TMPRSS13: variants seen among roughly 807,000 people sequenced by gnomAD.
TMPRSS13 encodes the protein transmembrane protease serine 13.
Under a neutral mutation model 68.4 loss-of-function variants are expected in TMPRSS13, and 50 were observed. The ratio of observed to expected loss-of-function variants is 0.73; its 90% CI spans 0.58 to 0.93. TMPRSS13 has a LOEUF of 0.93. Among genes scored for constraint, TMPRSS13 ranks in the 40% least tolerant of loss-of-function variants. The pLI, the probability that TMPRSS13 is intolerant of heterozygous loss-of-function variation, is 0.00. For synonymous variants in TMPRSS13, 267 were observed against 285.8 expected (o/e 0.93, Z 0.66); for missense variants, 615 against 729.2 (o/e 0.84, Z 1.80).
chr11:117,917,887 C>A (rs987883034), intron 2 of TMPRSS13, among the ~76,000 whole-genome samples: 1 of 152,180 alleles, frequency 6.6e-6, no homozygotes, highest in African/African-American at 2.4e-5. Context: ...AAGACCCAGT[C>A]CCCAAGGCCT....
chr11:117,913,042 C>G (rs117703847), intron 5 of TMPRSS13, among the ~76,000 whole-genome samples: 3 of 152,196 alleles, frequency 2.0e-5, no homozygotes, highest in South Asian at 2.1e-4. Flanking sequence ...CCTAACACCC[C>G]ACCCCAGGTG....
At position 117,913,817 on chromosome 11, in the gene TMPRSS13, A is replaced by T; in HGVS notation, c.769T>A (p.Ser257Thr). 3 of 1,614,064 alleles carry T rather than the reference A, an allele frequency of 1.9e-6. No individual in the cohort carries two copies. Among genetic ancestry groups the T allele is most frequent in the Non-Finnish European group, 1.7e-6 (2 of 1,180,008 alleles). Residue 257 changes from serine (S) to threonine (T), a missense_variant, in exon 5 of 13, where the codon TCC (serine) becomes ACC (threonine). By Grantham distance (58) the Ser-to-Thr change is moderately conservative (BLOSUM62 1). Coordinates refer to ENST00000524993, the MANE Select transcript of TMPRSS13 (RefSeq NM_001077263.3). Reference protein sequence around the residue: ...LPICSSNWNDSYSEKTCQQLG... With the variant: ...LPICSSNWNDTYSEKTCQQLG... ...TGCTGGCAGGTCTTCTCTGAGTAGG[A>T]GTCATTCCAGTTGCTGCTACAGATG...
At chr11:117,911,276 C>G (rs942612752) in intron 6 of TMPRSS13, among the ~76,000 whole-genome samples, 8 of 152,196 alleles carry the variant, frequency 5.3e-5, no homozygotes, top group African/African-American at 1.9e-4. Flanking sequence ...CCAACGTGGC[C>G]CTCCCTGTCC....
rs752832304 is a variant in TMPRSS13 at position 117,910,687 on chromosome 11, CAAG to C, written c.946+17_946+19del. ...CTCCCACACGACACTGGCCACAATC[CAAG>C]AAGAAGAACATCTTACGGGAACACT... On this transcript the variant is annotated intron_variant, in intron 7 of 12. Transcript: ENST00000524993. 7.2e-5 allele frequency: 116 copies of C among 1,604,034 alleles called. No homozygotes were observed. The highest frequency in any genetic ancestry group is 8.7e-5 in the Non-Finnish European group (102 of 1,174,274).
chr11:117,902,388 G>A, intron 12 of TMPRSS13, 123 bp from the exon 13 acceptor site: 3 of 1,058,998 alleles, frequency 2.8e-6, no homozygotes, highest in Middle Eastern at 2.3e-4. Flanking sequence ...GCCTCTCCAA[G>A]GAGGGAGAGC....
intron 10 of TMPRSS13, 92 bp downstream of exon 10, chr11:117,905,546 C>T (rs1232867064): frequency 1.8e-6 from 2 of 1,121,986 alleles, no homozygotes; most frequent in African/African-American, 1.6e-5. Context: ...AGGCCTTCAT[C>T]TGTATACCCA....
Position 117,918,745 on chromosome 11 carries a change from C to CCCGGG in TMPRSS13, c.114_115insCCCGG (p.Ala39ProfsTer76). On this transcript the variant is annotated frameshift_variant, in exon 2 of 13. Transcript: ENST00000524993. LOFTEE classifies it high-confidence loss of function. ...GCTGGAGATGCCTGGGCTGGAGATG[C>CCCGGG]CTGGGCTGGAGATGCCCGGCCTGGA... is the stretch of plus-strand genomic sequence containing the variant. 1 of 1,611,276 alleles carries CCCGGG rather than the reference C, an allele frequency of 6.2e-7. No individual in the cohort carries two copies. The highest frequency in any genetic ancestry group is 8.5e-7 in the Non-Finnish European group (1 of 1,179,348).
intron 10 of TMPRSS13, among the ~76,000 whole-genome samples, chr11:117,904,318 CTG>C (rs1404536363): frequency 5.1e-4 from 77 of 152,322 alleles, no homozygotes; most frequent in Middle Eastern, 3.4e-3. Context: ...ACACAGCTCA[CTG>C]CACGTGAGAC....
chr11:117,929,347 C>G lies in TMPRSS13; in HGVS notation c.-40G>C, dbSNP rs370220796. ...AGAGTCCTCCAGGCTTAGCTGATGTCGAGGAGAAGATCCATCTTGGTCCCT... is the reference window on the plus strand; with the variant it reads ...AGAGTCCTCCAGGCTTAGCTGATGTGGAGGAGAAGATCCATCTTGGTCCCT... On this transcript the variant is annotated 5_prime_UTR_variant, in exon 1 of 13. Transcript: ENST00000524993. 1.3e-6 allele frequency: 2 copies of G among 1,596,764 alleles called. No homozygotes were observed. The highest frequency in any genetic ancestry group is 1.3e-5 in the African/African-American group (1 of 74,280).
chr11:117,913,638 G>C (rs1479140226), intron 5 of TMPRSS13, 139 bp downstream of exon 5: 1 of 1,046,188 alleles, frequency 9.6e-7, no homozygotes, highest in Non-Finnish European at 1.4e-6. Flanking sequence ...AACACCTCGA[G>C]GGTGTCCAGA....
intron 10 of TMPRSS13, among the ~76,000 whole-genome samples, 153 bp from the exon 11 acceptor site, chr11:117,904,254 GGCC>G (rs889118706): frequency 2.6e-5 from 4 of 152,152 alleles, no homozygotes; most frequent in Admixed American, 6.5e-5. Flanking sequence ...ACCCAAGGGA[GGCC>G]CTCTGTGGTT....
At chr11:117,919,206 G>A (rs2057617800) in intron 1 of TMPRSS13, among the ~76,000 whole-genome samples, 1 of 152,202 alleles carries the variant, frequency 6.6e-6, no homozygotes, top group African/African-American at 2.4e-5. Flanking sequence ...TCAAGGGAAT[G>A]TGGTCCCCCA....
At chr11:117,921,103 T>C (rs541671052) in intron 1 of TMPRSS13, among the ~76,000 whole-genome samples, 134 of 152,284 alleles carry the variant, frequency 8.8e-4, no homozygotes, top group Non-Finnish European at 1.5e-3. Context: ...CCTCATTTTA[T>C]AGATATTGAA....
Position 117,901,221 on chromosome 11 carries a change from G to T in TMPRSS13, c.*1018C>A, listed in dbSNP as rs1355579253. On this transcript the variant is annotated 3_prime_UTR_variant, in exon 13 of 13. Coordinates refer to ENST00000524993, the MANE Select transcript of TMPRSS13 (RefSeq NM_001077263.3). ...ACCTGGACCTCCCTGGGGCCCCTGGGAGCCTACGCGGGAACAGCATCTGTT... is the reference window on the plus strand; with the variant it reads ...ACCTGGACCTCCCTGGGGCCCCTGGTAGCCTACGCGGGAACAGCATCTGTT... 1 of 152,616 alleles carries T rather than the reference G, an allele frequency of 6.6e-6. No homozygotes were observed. Among genetic ancestry groups the T allele is most frequent in the African/African-American group, 2.4e-5 (1 of 41,430 alleles). 9.5% of individuals were successfully genotyped at this position (152,616 alleles called of 1,614,324 possible). A position where few individuals can be genotyped will look rare whatever the true frequency, so the allele number is the denominator to read the frequency against.
At chr11:117,910,642 T>C in intron 7 of TMPRSS13, 65 bp downstream of exon 7, 1 of 1,501,758 alleles carries the variant, frequency 6.7e-7, no homozygotes, top group Non-Finnish European at 9.1e-7. Flanking sequence ...CTTGGAGGAG[T>C]GCTGCCCCTC....
rs553405309 is a variant in TMPRSS13, at chr11:117,918,907, T to C, written c.22-69A>G. On this transcript the variant is annotated intron_variant, in intron 1 of 12. Coordinates refer to ENST00000524993, the MANE Select transcript of TMPRSS13 (RefSeq NM_001077263.3). ...AACCCACCCCAGCTGTCAGCTGTGC[T>C]GCACTAGGAGATGAATGCTCTGGGG... 1.1e-5 allele frequency: 18 copies of C among 1,590,940 alleles called. No individual in the cohort carries two copies. The South Asian group carries it at 1.6e-4, about 14-fold the overall frequency.
chr11:117,911,639 A>C (rs1180006094), intron 6 of TMPRSS13, 129 bp downstream of exon 6: 3 of 672,052 alleles, frequency 4.5e-6, no homozygotes, highest in Non-Finnish European at 7.6e-6. Flanking sequence ...ATGCCCCTGA[A>C]CACTCATGGT....
In TMPRSS13 at chr11:117,902,173, A is replaced by C; in HGVS notation, c.*66T>G. 1 of 1,582,462 alleles carries C rather than the reference A, an allele frequency of 6.3e-7. No homozygotes were observed. Among genetic ancestry groups the C allele is most frequent in the South Asian group, 1.1e-5 (1 of 90,028 alleles). On this transcript the variant is annotated 3_prime_UTR_variant, in exon 13 of 13. Coordinates refer to ENST00000524993, the MANE Select transcript of TMPRSS13 (RefSeq NM_001077263.3). ...GCCATTAGCCCAGATGATGCCACAC[A>C]TGGCCAGTCACCATGGCCAGAGTCT...
At chr11:117,919,761 T>G (rs578063752) in intron 1 of TMPRSS13, among the ~76,000 whole-genome samples, 1 of 152,366 alleles carries the variant, frequency 6.6e-6, no homozygotes, top group Non-Finnish European at 1.5e-5. Flanking sequence ...ATTTTACAGA[T>G]AGGAAAGCCA....
Sources: gnomAD v4.1 joint callset for allele counts (sites outside exome capture counted in the v4.1 genomes callset) on GRCh38, gnomAD v4.1.1 for gene constraint, MANE v1.5 for transcripts, NCBI Gene and HGNC (gene_info 2026-07-23, HGNC 2026-07-21) for gene names.